SHROOM2: variants seen among roughly 807,000 people sequenced by gnomAD.
The protein encoded by SHROOM2 is protein Shroom2.
Under a neutral mutation model 75.9 loss-of-function variants are expected in SHROOM2, and 33 were observed. That is an observed-to-expected ratio of 0.43 (90% CI 0.33 to 0.58). The LOEUF (loss-of-function observed/expected upper bound fraction) is 0.58. SHROOM2 is among the 20% of genes least tolerant of loss of function. The pLI is 0.04. For synonymous variants in SHROOM2, 655 were observed against 663.6 expected (o/e 0.99, Z 0.20); for missense variants, 1,434 against 1,461.2 (o/e 0.98, Z 0.30).
At chrX:9,936,000 A>T (rs777122042) in intron 6 of SHROOM2, among the ~76,000 whole-genome samples, 14 of 111,673 alleles carry the variant, frequency 1.3e-4, no homozygotes, top group Non-Finnish European at 2.4e-4. Context: ...GCTGCCCCAG[A>T]CAAGGGACTG....
At chrX:9,910,244 A>C (rs768894385) in intron 5 of SHROOM2, among the ~76,000 whole-genome samples, 149 of 111,485 alleles carry the variant, frequency 1.3e-3, no homozygotes, top group South Asian at 3.1e-3. Context: ...GAAAATTTGA[A>C]TAAAGTGTGA....
chrX:9,852,104 A>T (rs906788053), intron 1 of SHROOM2, among the ~76,000 whole-genome samples: 2 of 111,976 alleles, frequency 1.8e-5, no homozygotes, highest in Non-Finnish European at 3.8e-5. Context: ...GTGGATCAAG[A>T]TGTGTTGGAA....
intron 5 of SHROOM2, among the ~76,000 whole-genome samples, chrX:9,922,739 C>T (rs755691743): frequency 3.1e-4 from 34 of 110,875 alleles, no homozygotes; most frequent in Non-Finnish European, 3.4e-4. Flanking sequence ...TCTCTGGGAG[C>T]GGTGGACTGG....
intron 1 of SHROOM2, among the ~76,000 whole-genome samples, chrX:9,861,698 G>A (rs770496598): frequency 1.8e-5 from 2 of 112,024 alleles, no homozygotes; most frequent in African/African-American, 6.5e-5. Flanking sequence ...CCTCCTGGTC[G>A]TCCTAGGATG....
intron 2 of SHROOM2, among the ~76,000 whole-genome samples, chrX:9,880,827 C>T (rs1267961043): frequency 8.9e-6 from 1 of 111,855 alleles, no homozygotes; most frequent in East Asian, 2.8e-4. Flanking sequence ...TCCCTCCCAC[C>T]CACACACACT....
At chrX:9,814,963 A>G (rs893528380) in intron 1 of SHROOM2, among the ~76,000 whole-genome samples, 3 of 110,676 alleles carry the variant, frequency 2.7e-5, no homozygotes, top group African/African-American at 9.9e-5. Flanking sequence ...AGGAGATAAG[A>G]CTCTCACTCA....
intron 3 of SHROOM2, among the ~76,000 whole-genome samples, chrX:9,892,408 GAA>G (rs750425535): frequency 0.017 from 1,740 of 104,964 alleles, 41 homozygotes; most frequent in African/African-American, 0.057. Flanking sequence ...ATTTTTTGGG[GAA>G]AAAAAAAACA....
intron 1 of SHROOM2, among the ~76,000 whole-genome samples, chrX:9,796,604 C>G (rs1295430599): frequency 9.0e-6 from 1 of 110,610 alleles, no homozygotes; most frequent in Non-Finnish European, 1.9e-5. Flanking sequence ...AAGGGAGTAG[C>G]TCTTTCAGAT....
At chrX:9,811,814 A>C (rs373682589) in intron 1 of SHROOM2, among the ~76,000 whole-genome samples, 1 of 111,920 alleles carries the variant, frequency 8.9e-6, no homozygotes, top group Non-Finnish European at 1.9e-5. Context: ...TCAGCTGATC[A>C]TAGGGAACTC....
At chrX:9,920,675 ATAAGCAAT>A (rs1297451183) in intron 5 of SHROOM2, among the ~76,000 whole-genome samples, 1 of 112,377 alleles carries the variant, frequency 8.9e-6, no homozygotes, top group Non-Finnish European at 1.9e-5. Flanking sequence ...CTAATATGCT[ATAAGCAAT>A]TGTTGGGAAT....
In SHROOM2 at chrX:9,947,687, A is replaced by G. The variant is rs1258887935; in HGVS notation, c.*750A>G. ...ACCTCACATCACAGTTGTTCTGCAA[A>G]GTAAAATTTTTTGGTTAAGAGCGTG... On this transcript the variant is annotated 3_prime_UTR_variant, in exon 10 of 10. Coordinates refer to ENST00000380913, the MANE Select transcript of SHROOM2 (RefSeq NM_001649.4). 2.7e-5 allele frequency: 3 copies of G among 112,570 alleles called. No individual in the cohort carries two copies. Among genetic ancestry groups the G allele is most frequent in the African/African-American group, 9.7e-5 (3 of 30,942 alleles). 9.3% of individuals were successfully genotyped at this position (112,570 alleles called of 1,213,427 possible).
chrX:9,942,580 A>G (rs147499002), intron 8 of SHROOM2, among the ~76,000 whole-genome samples: 2 of 111,609 alleles, frequency 1.8e-5, no homozygotes, highest in Non-Finnish European at 1.9e-5. Flanking sequence ...ATTTACATCT[A>G]TGATAAAGAA....
chrX:9,936,036 G>C (rs973136608), intron 6 of SHROOM2, among the ~76,000 whole-genome samples: 3 of 110,977 alleles, frequency 2.7e-5, no homozygotes, highest in Non-Finnish European at 5.7e-5. Flanking sequence ...TGTTCCTCCT[G>C]TTCTCTCTCC....
chrX:9,885,139 C>T (rs1028107685), intron 2 of SHROOM2, among the ~76,000 whole-genome samples: 46 of 111,786 alleles, frequency 4.1e-4, no homozygotes, highest in African/African-American at 1.4e-3. Context: ...AAGAAAGGCA[C>T]TCGTCAAGTC....
intron 5 of SHROOM2, among the ~76,000 whole-genome samples, chrX:9,927,356 CAAAAAAAAAAAAAAAA>C (rs56344026): frequency 4.5e-3 from 110 of 24,395 alleles, no homozygotes; most frequent in African/African-American, 0.011. Context: ...TCTCTGTCTC[CAAAAAAAAAAAAAAAA>C]AAAAAAAAAA....
At chrX:9,855,638 G>A (rs1245437995) in intron 1 of SHROOM2, among the ~76,000 whole-genome samples, 1 of 111,796 alleles carries the variant, frequency 8.9e-6, no homozygotes, top group Non-Finnish European at 1.9e-5. Context: ...AGGCTGCTAC[G>A]GTTTCAGAAA....
chrX:9,838,933 G>A (rs1258003881), intron 1 of SHROOM2, among the ~76,000 whole-genome samples: 3 of 111,645 alleles, frequency 2.7e-5, no homozygotes, highest in Non-Finnish European at 5.6e-5. Context: ...TGGGGCTGTG[G>A]TGGGAATGGC....
intron 9 of SHROOM2, among the ~76,000 whole-genome samples, chrX:9,946,065 C>T (rs1180173653): frequency 8.9e-6 from 1 of 112,873 alleles, no homozygotes; most frequent in Non-Finnish European, 1.9e-5. Context: ...GTAACTGTGT[C>T]GTGGAACTAG....
chrX:9,876,473 TC>T (rs1180221013), intron 2 of SHROOM2, among the ~76,000 whole-genome samples: 2 of 112,137 alleles, frequency 1.8e-5, no homozygotes, highest in Admixed American at 9.5e-5. Flanking sequence ...TATTTAAATC[TC>T]CCCGCCCTCC....
Sources: allele counts gnomAD v4.1 joint callset (sites outside exome capture counted in the v4.1 genomes callset), GRCh38; gene constraint gnomAD v4.1.1; transcripts MANE v1.5; gene names NCBI Gene and HGNC (gene_info 2026-07-23, HGNC 2026-07-21).